MPV17: variants seen among roughly 807,000 people sequenced by gnomAD.
MPV17 encodes the protein mitochondrial inner membrane protein MPV17, also known as MPV17, mitochondrial inner membrane protein.
In MPV17, 31 loss-of-function variants were observed where a neutral mutation model predicts 28.6. The ratio of observed to expected loss-of-function variants is 1.08; its 90% confidence interval spans 0.81 to 1.46. MPV17 has a LOEUF of 1.46. Ranked by LOEUF, MPV17 falls within the 40% of genes most tolerant of loss-of-function variation. MPV17 has a pLI of 0.00. For synonymous variants in MPV17, 87 were observed against 85.3 expected, an observed-to-expected ratio of 1.02 and a Z score of -0.11; for missense variants, 198 against 216.2, an observed-to-expected ratio of 0.92 and a Z score of 0.53.
chr2:27,315,043 C>T (rs1679600323), intron 2 of MPV17, among the ~76,000 whole-genome samples: 1 of 152,232 alleles, frequency 6.6e-6, no homozygotes, highest in Non-Finnish European at 1.5e-5. Context: ...CCCTGAAACT[C>T]CCAAAGTGGT....
chr2:27,321,108 C>T (rs1475728639), intron 2 of MPV17, among the ~76,000 whole-genome samples: 4 of 152,172 alleles, frequency 2.6e-5, no homozygotes, highest in African/African-American at 9.6e-5. Context: ...GCTGCAGATG[C>T]CTCAGGTAGG....
intron 2 of MPV17, 151 bp downstream of exon 2, chr2:27,322,297 A>G (rs1046646334): frequency 3.9e-6 from 3 of 773,286 alleles, no homozygotes; most frequent in African/African-American, 3.4e-5. Flanking sequence ...ACCACCCTCC[A>G]AAACAGACTG....
At position 27,317,130 on chromosome 2, in the gene MPV17, T is replaced by C; in HGVS notation, c.71-4021A>G. 1 of 1,550,240 alleles carries C rather than the reference T, an allele frequency of 6.5e-7. No homozygotes were observed. The highest frequency in any genetic ancestry group is 8.7e-7 in the Non-Finnish European group (1 of 1,146,940). ...GAAGGCAGAGGGGCAAGAAGTGGCT[T>C]CTTGGAGTGAGGAGCAGGAAGCGTG... On this transcript the variant is annotated intron_variant, in intron 2 of 7. Coordinates refer to ENST00000380044, the MANE Select transcript of MPV17 (RefSeq NM_002437.5). This position sits in a 1 kb window ranked among gnomAD's most constrained non-coding sequence, Gnocchi z 4.0.
intron 6 of MPV17, 106 bp from the exon 7 acceptor site, chr2:27,312,057 C>T: frequency 1.3e-6 from 2 of 1,482,134 alleles, no homozygotes; most frequent in Non-Finnish European, 1.9e-6. Context: ...AAAAGGTGAA[C>T]AGTTGGGTGA....
Position 27,312,789 on chromosome 2 carries a change from G to C in MPV17, c.187-17C>G, listed in dbSNP as rs778401967. 8.1e-6 allele frequency: 13 copies of C among 1,613,372 alleles called. No homozygotes were observed. The African/African-American group carries it at 1.6e-4, about 20-fold the overall frequency. The stretch of plus-strand genomic sequence containing the variant: ...CACAGGGCCCTGGAAGTAAACCCCA[G>C]ATAGCAGCAGGCTGCAGTGAGGGAG... On this transcript the variant is annotated splice_polypyrimidine_tract_variant and intron_variant, in intron 3 of 7. Coordinates refer to ENST00000380044, the MANE Select transcript of MPV17 (RefSeq NM_002437.5).
At chr2:27,316,323 TG>T (rs1679649808) in intron 2 of MPV17, 1 of 1,018,286 alleles carries the variant, frequency 9.8e-7, no homozygotes, top group African/African-American at 1.6e-5. Flanking sequence ...CCTGCAGCCT[TG>T]GAGAAAGATG....
intron 6 of MPV17, 54 bp downstream of exon 6, chr2:27,312,160 C>T: frequency 6.3e-7 from 1 of 1,589,534 alleles, no homozygotes; most frequent in Non-Finnish European, 8.6e-7. Context: ...AATCCCAGGA[C>T]AGTTCTAGAC....
In MPV17 at chr2:27,309,794, A is replaced by G. The variant is rs984318970; in HGVS notation, c.*118T>C. On this transcript the variant is annotated 3_prime_UTR_variant, in exon 8 of 8. Transcript: ENST00000380044. The stretch of plus-strand genomic sequence containing the variant: ...GCATTGCAGGGTGCTAGTCCTCTTA[A>G]GCTCTGACCGGCAACCCAACCCCGT... The G allele has an allele frequency of 2.1e-5, 16 of 779,610 alleles. No individual in the cohort carries two copies. In the Admixed American group the frequency reaches 2.8e-4, roughly 13 times the overall value. 48.3% of individuals were successfully genotyped at this position (779,610 alleles called of 1,614,324 possible). A position where few individuals can be genotyped will look rare whatever the true frequency, so the allele number is the denominator to read the frequency against.
chr2:27,318,373 T>C (rs1363169363), intron 2 of MPV17, among the ~76,000 whole-genome samples: 1 of 151,618 alleles, frequency 6.6e-6, no homozygotes, highest in Non-Finnish European at 1.5e-5. Context: ...GCCTTTTTTT[T>C]TTCAGATGGA....
At chr2:27,311,743 C>G (rs1679446505) in intron 7 of MPV17, 156 bp downstream of exon 7, 2 of 1,554,340 alleles carry the variant, frequency 1.3e-6, no homozygotes, top group Non-Finnish European at 1.7e-6. Flanking sequence ...GCAAGACATT[C>G]TGAATAACAC....
At chr2:27,320,185 C>T (rs576602184) in intron 2 of MPV17, among the ~76,000 whole-genome samples, 54 of 149,900 alleles carry the variant, frequency 3.6e-4, no homozygotes, top group African/African-American at 1.3e-3. Context: ...TGCAGTGAGT[C>T]GAGATCACGC....
rs766730128 is a variant in MPV17 at position 27,317,264 on chromosome 2, G to A, written c.71-4155C>T. 3 of 1,520,686 alleles carry A rather than the reference G, an allele frequency of 2.0e-6. No individual in the cohort carries two copies. Among genetic ancestry groups the A allele is most frequent in the South Asian group, 1.3e-5 (1 of 79,798 alleles). 94.2% of individuals were successfully genotyped at this position (1,520,686 alleles called of 1,614,324 possible). A position where few individuals can be genotyped will look rare whatever the true frequency, so the allele number is the denominator to read the frequency against. ...AAACATTAGTTAGCTGCCTAGGATA[G>A]GGGCTCAGTCTGGCACAGAGCCCAG... On this transcript the variant is annotated intron_variant, in intron 2 of 7. Coordinates refer to ENST00000380044, the MANE Select transcript of MPV17 (RefSeq NM_002437.5). This position sits in a 1 kb window ranked among gnomAD's most constrained non-coding sequence, Gnocchi z 4.0.
intron 3 of MPV17, 25 bp downstream of exon 3, chr2:27,312,969 A>G: frequency 1.2e-6 from 2 of 1,612,458 alleles, no homozygotes; most frequent in Non-Finnish European, 8.5e-7. Flanking sequence ...GAGTCCACTG[A>G]AGCCCTGTTG....
intron 2 of MPV17, chr2:27,316,048 C>T: frequency 1.9e-6 from 3 of 1,549,500 alleles, no homozygotes; most frequent in South Asian, 1.2e-5. Flanking sequence ...GCTGGGTGTT[C>T]CTGCCCAAGT....
intron 2 of MPV17, 61 bp from the exon 3 acceptor site, chr2:27,313,170 G>A (rs1354942842): frequency 6.2e-7 from 1 of 1,612,542 alleles, no homozygotes; most frequent in African/African-American, 1.3e-5. Context: ...ATTCCAAGGA[G>A]GGAGGGACAT....
In MPV17 at chr2:27,312,052, G is replaced by C; in HGVS notation, c.409-101C>G. 7 of 1,493,514 alleles carry C rather than the reference G, an allele frequency of 4.7e-6. No homozygotes were observed. The South Asian group carries it at 8.0e-5, about 17-fold the overall frequency. The allele number at this position is 1,493,514 out of a possible 1,614,324, so 92.5% of individuals were successfully genotyped here. A position where few individuals can be genotyped will look rare whatever the true frequency, so the allele number is the denominator to read the frequency against. ...CCCAACTTCTGCACACAAGAAAAAG[G>C]TGAACAGTTGGGTGATGGCTTCCCT... On this transcript the variant is annotated intron_variant, in intron 6 of 7. Coordinates refer to ENST00000380044, the MANE Select transcript of MPV17 (RefSeq NM_002437.5).
rs781590414 is a variant in MPV17, at chr2:27,309,787, C to T, written c.*125G>A. On this transcript the variant is annotated 3_prime_UTR_variant, in exon 8 of 8. Transcript: ENST00000380044. ...AAGAGGGGCATTGCAGGGTGCTAGTCCTCTTAAGCTCTGACCGGCAACCCA... is the reference window on the plus strand; with the variant it reads ...AAGAGGGGCATTGCAGGGTGCTAGTTCTCTTAAGCTCTGACCGGCAACCCA... 3 of 748,854 alleles carry T rather than the reference C, an allele frequency of 4.0e-6. No individual in the cohort carries two copies. Among genetic ancestry groups the T allele is most frequent in the Non-Finnish European group, 7.3e-6 (3 of 411,866 alleles). The allele number at this position is 748,854 out of a possible 1,614,324, so 46.4% of individuals were successfully genotyped here. A position where few individuals can be genotyped will look rare whatever the true frequency, so the allele number is the denominator to read the frequency against.
intron 2 of MPV17, among the ~76,000 whole-genome samples, chr2:27,314,012 A>C (rs1679555526): frequency 6.6e-6 from 1 of 152,168 alleles, no homozygotes; most frequent in Non-Finnish European, 1.5e-5. Flanking sequence ...GTGCCTGGCC[A>C]GAATAAATCT....
In MPV17 at chr2:27,311,554, G is replaced by C. The variant is rs1307274552; in HGVS notation, c.461+345C>G. The C allele has an allele frequency of 3.9e-6, 6 of 1,543,020 alleles. No individual in the cohort carries two copies. The Admixed American group carries it at 7.9e-5, about 20-fold the overall frequency. On this transcript the variant is annotated intron_variant, in intron 7 of 7. Transcript: ENST00000380044. ...GAGTGTCTGACCAGGCTCCTACTTG[G>C]CCTTCTGGTCTACCTCTCTGTCTAA... is the stretch of plus-strand genomic sequence containing the variant.
Sources: gnomAD v4.1 joint callset for allele counts (sites outside exome capture counted in the v4.1 genomes callset) on GRCh38, gnomAD v4.1.1 for gene constraint, Gnocchi (gnomAD v3.1) non-coding constraint, MANE v1.5 for transcripts, NCBI Gene and HGNC (gene_info 2026-07-23, HGNC 2026-07-21) for gene names.